The following CALB1 variants were observed in gnomAD, a reference collection of about 807,000 sequenced individuals.
CALB1 encodes calbindin 1, also known as calbindin.
CALB1 carries 16 observed loss-of-function variants against 46.7 expected under a neutral mutation model. The observed-to-expected ratio is 0.34, with a 90% CI of 0.23 to 0.52. The LOEUF is 0.52. Among genes scored for constraint, CALB1 ranks in the 20% least tolerant of loss-of-function variants. The probability of loss-of-function intolerance (pLI) is 0.95; values close to 1 mark genes in which losing one functional copy is unlikely to be tolerated. For missense variants in CALB1, 224 were observed against 300.3 expected (o/e 0.75, Z 1.88); for synonymous variants, 90 against 112.8 (o/e 0.80, Z 1.28).
intron 6 of CALB1, 77 bp from the exon 7 acceptor site, chr8:90,063,538 G>A (rs1814339824): frequency 7.9e-7 from 1 of 1,258,294 alleles, no homozygotes; most frequent in African/African-American, 1.5e-5. Flanking sequence ...TCAAAATAAA[G>A]CTGTTTGAGT....
At chr8:90,063,071 A>G (rs1220975874) in intron 9 of CALB1, 29 bp downstream of exon 9, 8 of 1,545,462 alleles carry the variant, frequency 5.2e-6, no homozygotes, top group Non-Finnish European at 7.1e-6. Flanking sequence ...CTTCAATAAA[A>G]AAGAAAGGAA....
At chr8:90,073,421 C>G (rs1814568445) in intron 3 of CALB1, among the ~76,000 whole-genome samples, 1 of 152,128 alleles carries the variant, frequency 6.6e-6, no homozygotes, top group Non-Finnish European at 1.5e-5. Context: ...CGGTCTCACT[C>G]AAAACTAGAG....
At chr8:90,060,743 A>G (rs766213447) in intron 9 of CALB1, 43 bp from the exon 10 acceptor site, 7 of 1,363,638 alleles carry the variant, frequency 5.1e-6, no homozygotes, top group African/African-American at 4.3e-5. Flanking sequence ...AACTCCATCT[A>G]CAGTAGTGGG....
intron 3 of CALB1, among the ~76,000 whole-genome samples, chr8:90,071,792 A>G (rs976365630): frequency 6.6e-6 from 1 of 152,228 alleles, no homozygotes; most frequent in Non-Finnish European, 1.5e-5. Flanking sequence ...ATAAGTGTTC[A>G]TTTAGGAAAC....
intron 3 of CALB1, among the ~76,000 whole-genome samples, chr8:90,072,104 T>A (rs1405527571): frequency 6.6e-6 from 1 of 152,180 alleles, no homozygotes; most frequent in East Asian, 1.9e-4. Flanking sequence ...TTAGTGTGTG[T>A]TGCTTTGAAC....
chr8:90,077,048 C>A (rs955932356), intron 3 of CALB1, among the ~76,000 whole-genome samples: 1 of 151,870 alleles, frequency 6.6e-6, no homozygotes. Flanking sequence ...AGAGCCAATC[C>A]GTAATTTCAC....
At chr8:90,082,337 G>C (rs1012264772) in intron 1 of CALB1, 7 of 600,324 alleles carry the variant, frequency 1.2e-5, no homozygotes, top group Admixed American at 3.0e-5. Context: ...CAGAAACTTT[G>C]GGGGGGCAGC....
At position 90,082,267 on chromosome 8, in the gene CALB1, G is replaced by A. The variant is rs898432398; in HGVS notation, c.80-165C>T. 1.3e-5 allele frequency: 8 copies of A among 636,486 alleles called. No homozygotes were observed. In the African/African-American group the frequency reaches 1.3e-4, roughly 10 times the overall value. 39.4% of individuals were successfully genotyped at this position (636,486 alleles called of 1,614,324 possible). ...GACGGTGAAGCGCTCCCCTCCTGGG[G>A]TATCAAACTTTAGATCCACTGAGGA... On this transcript the variant is annotated intron_variant, in intron 1 of 10. Transcript: ENST00000265431.
intron 6 of CALB1, 58 bp from the exon 7 acceptor site, chr8:90,063,519 A>T: frequency 7.1e-7 from 1 of 1,400,284 alleles, no homozygotes; most frequent in Non-Finnish European, 1.0e-6. Context: ...TGCATGAAGG[A>T]GATGAACTTC....
chr8:90,065,037 C>A (rs1814367207), intron 6 of CALB1, among the ~76,000 whole-genome samples: 2 of 151,740 alleles, frequency 1.3e-5, no homozygotes, highest in South Asian at 4.1e-4. Context: ...TAGTATAGAG[C>A]CATGTTTATG....
intron 9 of CALB1, 100 bp from the exon 10 acceptor site, chr8:90,060,800 A>G (rs1814284078): frequency 1.0e-6 from 1 of 972,594 alleles, no homozygotes; most frequent in Non-Finnish European, 1.6e-6. Flanking sequence ...AAGTCTCCCA[A>G]CTGCATACTT....
intron 10 of CALB1, 130 bp downstream of exon 10, chr8:90,060,499 T>TTAAG: frequency 1.2e-6 from 1 of 808,036 alleles, no homozygotes; most frequent in Non-Finnish European, 2.1e-6. Flanking sequence ...CCAAATTGAG[T>TTAAG]TAAGAATTGA....
At chr8:90,066,437 T>G (rs1432270526) in intron 5 of CALB1, among the ~76,000 whole-genome samples, 1 of 152,028 alleles carries the variant, frequency 6.6e-6, no homozygotes, top group Non-Finnish European at 1.5e-5. Context: ...AAATCCATTT[T>G]CTGCTCCCCA....
At chr8:90,073,631 C>T (rs1404842713) in intron 3 of CALB1, among the ~76,000 whole-genome samples, 1 of 152,230 alleles carries the variant, frequency 6.6e-6, no homozygotes, top group Admixed American at 6.5e-5. Flanking sequence ...TCCCAGGGAA[C>T]TCTACCCATA....
chr8:90,073,089 C>A (rs1442789264), intron 3 of CALB1, among the ~76,000 whole-genome samples: 2 of 151,998 alleles, frequency 1.3e-5, no homozygotes, highest in East Asian at 3.8e-4. Flanking sequence ...GTTTTGTGGC[C>A]CAGAAACTGC....
intron 3 of CALB1, among the ~76,000 whole-genome samples, chr8:90,076,152 G>A (rs1185256784): frequency 6.6e-6 from 1 of 151,932 alleles, no homozygotes; most frequent in Admixed American, 6.6e-5. Flanking sequence ...CAAAAGTTCT[G>A]CTGAAATTAT....
At chr8:90,072,282 G>C (rs1814539286) in intron 3 of CALB1, among the ~76,000 whole-genome samples, 1 of 152,180 alleles carries the variant, frequency 6.6e-6, no homozygotes, top group Non-Finnish European at 1.5e-5. Context: ...ATAAAGTTGA[G>C]AGGTCTCCTG....
intron 2 of CALB1, among the ~76,000 whole-genome samples, chr8:90,080,326 T>A (rs1345435023): frequency 6.6e-6 from 1 of 151,934 alleles, no homozygotes; most frequent in Non-Finnish European, 1.5e-5. Context: ...AATATTTTTT[T>A]AAAGTTCATG....
At chr8:90,069,469 G>A (rs1015726490) in intron 3 of CALB1, among the ~76,000 whole-genome samples, 5 of 152,136 alleles carry the variant, frequency 3.3e-5, no homozygotes, top group Admixed American at 1.3e-4. Context: ...TGAGGTGGCC[G>A]CAGCAGACCT....
Sources: gnomAD v4.1 joint callset for allele counts (sites outside exome capture counted in the v4.1 genomes callset) on GRCh38, gnomAD v4.1.1 for gene constraint, MANE v1.5 for transcripts, NCBI Gene and HGNC (gene_info 2026-07-23, HGNC 2026-07-21) for gene names.